SFMBT2: variants seen among roughly 807,000 people sequenced by gnomAD.
SFMBT2 encodes the protein Scm like with four mbt domains 2.
SFMBT2 carries 38 observed loss-of-function variants against 110.1 expected under a neutral mutation model. That is an observed-to-expected ratio of 0.35 (90% confidence interval 0.27 to 0.45). SFMBT2 has a LOEUF of 0.45. Ranked by LOEUF, SFMBT2 falls within the 20% of genes least tolerant of loss-of-function variation. SFMBT2 has a pLI of 1.00. For missense variants in SFMBT2, 1,011 were observed against 1,094.9 expected, an observed-to-expected ratio of 0.92 and a Z score of 1.08; for synonymous variants, 425 against 425.4, an observed-to-expected ratio of 1.00 and a Z score of 0.01.
chr10:7,361,151 G>A (rs1183025515), intron 4 of SFMBT2, among the ~76,000 whole-genome samples: 1 of 151,998 alleles, frequency 6.6e-6, no homozygotes, highest in East Asian at 1.9e-4. Context: ...TGCCCAGTTA[G>A]GATTCATTAT....
intron 4 of SFMBT2, among the ~76,000 whole-genome samples, chr10:7,363,567 C>T (rs1172702): frequency 0.072 from 10,995 of 152,174 alleles, 523 homozygotes; most frequent in Non-Finnish European, 0.11. Context: ...AGGCTTGTCT[C>T]GAACGCCTGA....
At chr10:7,283,823 T>A (rs781574652) in intron 6 of SFMBT2, 81 bp downstream of exon 6, 1 of 943,472 alleles carries the variant, frequency 1.1e-6, no homozygotes, top group African/African-American at 1.6e-5. Flanking sequence ...AGAAAGCTCA[T>A]ACATTTTCTA....
intron 4 of SFMBT2, among the ~76,000 whole-genome samples, chr10:7,349,466 T>TTTTTTTTTG (rs1844239262): frequency 7.6e-6 from 1 of 131,462 alleles, no homozygotes; most frequent in Non-Finnish European, 1.6e-5. Flanking sequence ...TTTTTTTTTT[T>TTTTTTTTTG]GCGGGGGGGA....
chr10:7,165,735 C>G (rs569608683), intron 20 of SFMBT2, among the ~76,000 whole-genome samples: 142 of 152,332 alleles, frequency 9.3e-4, no homozygotes, highest in African/African-American at 3.4e-3. Flanking sequence ...AGGAGACAAA[C>G]TGTAGAAAAC....
chr10:7,270,048 C>T (rs1841532158), intron 7 of SFMBT2, among the ~76,000 whole-genome samples: 1 of 152,098 alleles, frequency 6.6e-6, no homozygotes, highest in Admixed American at 6.5e-5. Context: ...AGCTATCATG[C>T]AACCTTATTT....
At chr10:7,358,265 C>T (rs1844588519) in intron 4 of SFMBT2, among the ~76,000 whole-genome samples, 1 of 151,670 alleles carries the variant, frequency 6.6e-6, no homozygotes, top group Non-Finnish European at 1.5e-5. Context: ...CCTGCATGGC[C>T]CTGTGACATC....
intron 6 of SFMBT2, among the ~76,000 whole-genome samples, chr10:7,283,045 TA>T (rs112331671): frequency 0.012 from 1,854 of 152,230 alleles, 37 homozygotes; most frequent in African/African-American, 0.043. Context: ...GCCTGTCCCT[TA>T]AAACAGGGGA....
intron 14 of SFMBT2, among the ~76,000 whole-genome samples, chr10:7,199,365 T>A (rs1838879274): frequency 6.6e-6 from 1 of 152,116 alleles, no homozygotes; most frequent in Non-Finnish European, 1.5e-5. Context: ...CTACCCAAGC[T>A]CCAAGCTAAG....
At chr10:7,357,088 A>T (rs1844542481) in intron 4 of SFMBT2, among the ~76,000 whole-genome samples, 1 of 152,216 alleles carries the variant, frequency 6.6e-6, no homozygotes, top group Non-Finnish European at 1.5e-5. Context: ...TATCAACTGA[A>T]CATTGTCTGT....
At chr10:7,307,354 T>C (rs762149660) in intron 4 of SFMBT2, among the ~76,000 whole-genome samples, 7 of 152,182 alleles carry the variant, frequency 4.6e-5, no homozygotes, top group Non-Finnish European at 8.8e-5. Context: ...CTAAAAATTA[T>C]ATGGAAGTAA....
In SFMBT2 at chr10:7,201,930, T is replaced by C. The variant is rs564638637; in HGVS notation, c.1487+550A>G. Among the ~76,000 whole-genome samples, 8 of 152,346 alleles carry C rather than the reference T, an allele frequency of 5.3e-5. No individual in the cohort carries two copies. The South Asian group carries it at 1.4e-3, about 28-fold the overall frequency. On this transcript the variant is annotated intron_variant, in intron 13 of 20. Coordinates refer to ENST00000397167, the MANE Select transcript of SFMBT2 (RefSeq NM_001387889.1). ...CTACAACTTAAGGCCTACACTTCTTTTCAAATGGAATCTAATTTAATCTTT... is the reference window on the plus strand; with the variant it reads ...CTACAACTTAAGGCCTACACTTCTTCTCAAATGGAATCTAATTTAATCTTT...
chr10:7,392,452 T>C (rs1845794656), intron 1 of SFMBT2, among the ~76,000 whole-genome samples: 1 of 152,050 alleles, frequency 6.6e-6, no homozygotes, highest in South Asian at 2.1e-4. Context: ...GAGGCAGAGG[T>C]TGCAGTGAGC....
At chr10:7,208,127 A>C (rs929718901) in intron 11 of SFMBT2, among the ~76,000 whole-genome samples, 2 of 152,178 alleles carry the variant, frequency 1.3e-5, no homozygotes, top group Non-Finnish European at 2.9e-5. Context: ...ATATGTTCAA[A>C]ACAGACAAAA....
chr10:7,213,197 G>A (rs891664965), intron 11 of SFMBT2, among the ~76,000 whole-genome samples: 1 of 151,944 alleles, frequency 6.6e-6, no homozygotes, highest in African/African-American at 2.4e-5. Context: ...GTATACCTAT[G>A]TAACAAACCT....
chr10:7,387,170 C>T (rs772247603), intron 1 of SFMBT2, among the ~76,000 whole-genome samples: 2 of 152,200 alleles, frequency 1.3e-5, no homozygotes, highest in Non-Finnish European at 2.9e-5. Flanking sequence ...TCTGTGAGCA[C>T]TCAACACTCC....
intron 10 of SFMBT2, among the ~76,000 whole-genome samples, chr10:7,221,212 G>A (rs188413260): frequency 1.3e-5 from 2 of 152,174 alleles, no homozygotes; most frequent in African/African-American, 4.8e-5. Context: ...GTGGGAACAC[G>A]GAATTTCCAT....
At position 7,404,992 on chromosome 10, in the gene SFMBT2, A is replaced by G. The variant is rs954578318; in HGVS notation, c.-52+5869T>C. Among the ~76,000 whole-genome samples, 42 of 152,370 alleles carry G rather than the reference A, an allele frequency of 2.8e-4. 1 individual carries two copies. The highest frequency in any genetic ancestry group is 3.4e-3 in the Middle Eastern group (1 of 294). On this transcript the variant is annotated intron_variant, in intron 1 of 20. Transcript: ENST00000397167. ...AATACAGTCTTACAGTCTTGTAAAC[A>G]TCTTATTTACACTTGACTTAAACAT...
chr10:7,280,666 A>G (rs746369958), intron 6 of SFMBT2, among the ~76,000 whole-genome samples: 6 of 152,188 alleles, frequency 3.9e-5, no homozygotes, highest in Admixed American at 3.3e-4. Context: ...CAATCTCTTG[A>G]TATACATTAC....
intron 1 of SFMBT2, among the ~76,000 whole-genome samples, chr10:7,390,900 G>A (rs140384142): frequency 3.0e-3 from 457 of 152,270 alleles, no homozygotes; most frequent in African/African-American, 0.01. Context: ...AGGAGTTCGA[G>A]ACTAGCCTGA....
Sources: allele counts gnomAD v4.1 joint callset (sites outside exome capture counted in the v4.1 genomes callset), GRCh38; gene constraint gnomAD v4.1.1; transcripts MANE v1.5; gene names NCBI Gene and HGNC (gene_info 2026-07-23, HGNC 2026-07-21).